Variants in MSRA observed in about 807,000 individuals in gnomAD.
MSRA encodes the protein methionine sulfoxide reductase A.
A neutral mutation model predicts 31.3 loss-of-function variants in MSRA; 54 were observed. That is an observed-to-expected ratio of 1.73 (90% confidence interval 1.39 to 2.17). MSRA has a LOEUF of 2.17. Ranked by LOEUF, MSRA falls within the 30% of genes most tolerant of loss-of-function variation. MSRA has a pLI of 0.00. For missense variants in MSRA, 507 were observed against 300.9 expected (o/e 1.69, Z -5.07); for synonymous variants, 169 against 116.5 (o/e 1.45, Z -2.90).
intron 2 of MSRA, among the ~76,000 whole-genome samples, chr8:10,239,696 T>G (rs879427848): frequency 9.9e-5 from 15 of 152,222 alleles, no homozygotes; most frequent in Admixed American, 9.8e-4. Flanking sequence ...GTGTACTGTT[T>G]TGGGGACTAG....
rs537053137 is a variant in MSRA at position 10,210,108 on chromosome 8, G to A, written c.211+2207G>A. On this transcript the variant is annotated intron_variant, in intron 2 of 5. Transcript: ENST00000317173. ...TTGAGGGTGGACTTCTGCCATTCTG[G>A]GTTGTTTATCACTGCAATGGAAAGG... 2.0e-4 allele frequency among the ~76,000 whole-genome samples: 31 copies of A among 152,264 alleles called. No homozygotes were observed. The South Asian group carries it at 4.1e-3, about 20-fold the overall frequency.
At chr8:10,423,965 A>C (rs1563466015) in intron 5 of MSRA, among the ~76,000 whole-genome samples, 1 of 152,240 alleles carries the variant, frequency 6.6e-6, no homozygotes, top group African/African-American at 2.4e-5. Context: ...CCCCGAGATG[A>C]GGGAGAGACA....
At chr8:10,293,727 C>T (rs1270748439) in intron 3 of MSRA, among the ~76,000 whole-genome samples, 1 of 152,116 alleles carries the variant, frequency 6.6e-6, no homozygotes, top group African/African-American at 2.4e-5. Context: ...CTGCTTCCTC[C>T]CCTTCCCTCT....
intron 1 of MSRA, among the ~76,000 whole-genome samples, chr8:10,110,330 G>T (rs1009290009): frequency 1.3e-5 from 2 of 152,142 alleles, no homozygotes; most frequent in African/African-American, 4.8e-5. Flanking sequence ...ATTTTCAAGA[G>T]TGTGGATTAT....
intron 3 of MSRA, among the ~76,000 whole-genome samples, chr8:10,273,441 T>C (rs555510377): frequency 9.8e-5 from 15 of 152,344 alleles, no homozygotes; most frequent in Admixed American, 2.0e-4. Flanking sequence ...TGTAATTTCA[T>C]CTTTTGTAAA....
At chr8:10,283,214 A>G (rs763079058) in intron 3 of MSRA, among the ~76,000 whole-genome samples, 7 of 142,982 alleles carry the variant, frequency 4.9e-5, no homozygotes, top group Admixed American at 1.4e-4. Flanking sequence ...TACCATTCCA[A>G]TACACCATGC....
intron 1 of MSRA, among the ~76,000 whole-genome samples, chr8:10,202,468 C>A (rs887942585): frequency 2.0e-5 from 3 of 152,174 alleles, no homozygotes; most frequent in African/African-American, 7.2e-5. Context: ...ATGACTTCTT[C>A]CCCTGTGCCA....
intron 5 of MSRA, among the ~76,000 whole-genome samples, chr8:10,425,471 G>A (rs1325398525): frequency 6.6e-6 from 1 of 152,244 alleles, no homozygotes. Context: ...GGGCAGTGGC[G>A]CTGGCCTCCC....
chr8:10,104,372 GA>G (rs1799738074), intron 1 of MSRA, among the ~76,000 whole-genome samples: 1 of 152,194 alleles, frequency 6.6e-6, no homozygotes, highest in African/African-American at 2.4e-5. Flanking sequence ...AGGAGGTCCT[GA>G]CATGTGCCCA....
intron 2 of MSRA, among the ~76,000 whole-genome samples, chr8:10,235,453 A>G (rs34856980): frequency 0.21 from 32,171 of 152,060 alleles, 4,327 homozygotes; most frequent in Admixed American, 0.34. Context: ...TTGAAAATAA[A>G]TAAGCTAATA....
chr8:10,054,298 G>A lies in MSRA; in HGVS notation c.-219G>A. ...TCGCCGGGCCACACCCCCTGTCCAG[G>A]GAAGGAACACGCCCCCGGTGACAGC... On this transcript the variant is annotated 5_prime_UTR_variant, in exon 1 of 6. Coordinates refer to ENST00000317173, the MANE Select transcript of MSRA (RefSeq NM_012331.5). The A allele has an allele frequency of 1.1e-5, 4 of 358,230 alleles. No individual in the cohort carries two copies. The highest frequency in any genetic ancestry group is 1.5e-5 in the Non-Finnish European group (3 of 205,726). 22.2% of individuals were successfully genotyped at this position (358,230 alleles called of 1,614,324 possible). A position where few individuals can be genotyped will look rare whatever the true frequency, so the allele number is the denominator to read the frequency against.
rs141354301 is a variant in MSRA, at chr8:10,214,847, G to A, written c.211+6946G>A. Among the ~76,000 whole-genome samples, 28 of 152,310 alleles carry A rather than the reference G, an allele frequency of 1.8e-4. No homozygotes were observed. The East Asian group carries it at 5.4e-3, about 29-fold the overall frequency. ...ATGCATTTTATTTTATATATCTTGT[G>A]CATGATTTCAACTTTCGTTTTCTTC... On this transcript the variant is annotated intron_variant, in intron 2 of 5. Transcript: ENST00000317173.
chr8:10,109,873 C>G (rs1244923552), intron 1 of MSRA, among the ~76,000 whole-genome samples: 1 of 152,198 alleles, frequency 6.6e-6, no homozygotes, highest in Non-Finnish European at 1.5e-5. Flanking sequence ...CAAAACCAGT[C>G]TGAATATGGC....
At chr8:10,105,456 C>T (rs1039854284) in intron 1 of MSRA, among the ~76,000 whole-genome samples, 10 of 152,174 alleles carry the variant, frequency 6.6e-5, no homozygotes, top group Non-Finnish European at 1.3e-4. Context: ...AAATGTCAGG[C>T]AGATTCTTAG....
chr8:10,100,854 A>G (rs1426177949), intron 1 of MSRA, among the ~76,000 whole-genome samples: 1 of 152,214 alleles, frequency 6.6e-6, no homozygotes, highest in African/African-American at 2.4e-5. Context: ...AGTCTTACAC[A>G]ATTAGAATAC....
At chr8:10,139,637 G>A (rs1802540935) in intron 1 of MSRA, among the ~76,000 whole-genome samples, 1 of 152,156 alleles carries the variant, frequency 6.6e-6, no homozygotes, top group African/African-American at 2.4e-5. Context: ...TTGTTTCTGA[G>A]TTATTTCACT....
chr8:10,138,840 T>G (rs1393963478), intron 1 of MSRA, among the ~76,000 whole-genome samples: 2 of 152,156 alleles, frequency 1.3e-5, no homozygotes, highest in Non-Finnish European at 2.9e-5. Context: ...GAGAGTGATT[T>G]GGATTCACTC....
At position 10,125,089 on chromosome 8, in the gene MSRA, C is replaced by T. The variant is rs116230645; in HGVS notation, c.142+70431C>T. On this transcript the variant is annotated intron_variant, in intron 1 of 5. Coordinates refer to ENST00000317173, the MANE Select transcript of MSRA (RefSeq NM_012331.5). ...GCTCTGTGTCTGTCATTAGCGATTC[C>T]GCAAGGCATGTGGTGATAAGACTTC... 7.9e-3 allele frequency among the ~76,000 whole-genome samples: 1,208 copies of T among 152,272 alleles called. 14 individuals carry two copies. The highest frequency in any genetic ancestry group is 0.026 in the African/African-American group (1,082 of 41,556).
intron 3 of MSRA, among the ~76,000 whole-genome samples, chr8:10,261,030 T>C (rs144674125): frequency 1.3e-4 from 20 of 152,310 alleles, no homozygotes; most frequent in African/African-American, 4.8e-4. Flanking sequence ...GAATGAAGTA[T>C]AAAATACAAG....
Sources: gnomAD v4.1 joint callset for allele counts (sites outside exome capture counted in the v4.1 genomes callset) on GRCh38, gnomAD v4.1.1 for gene constraint, MANE v1.5 for transcripts, NCBI Gene and HGNC (gene_info 2026-07-23, HGNC 2026-07-21) for gene names.